The following FOCAD variants were observed in gnomAD, a reference collection of about 807,000 sequenced individuals.
The protein encoded by FOCAD is KIAA1797.
Under a neutral mutation model 225.6 loss-of-function variants are expected in FOCAD, and 198 were observed. That is an observed-to-expected ratio of 0.88 (90% CI 0.78 to 0.99). The LOEUF (loss-of-function observed/expected upper bound fraction) is 0.99. FOCAD is among the 50% of genes least tolerant of loss of function. The pLI, the probability that FOCAD is intolerant of heterozygous loss-of-function variation, is 0.00. For synonymous variants in FOCAD, 897 were observed against 755.0 expected (o/e 1.19, Z -3.08); for missense variants, 2,713 against 2,123.6 (o/e 1.28, Z -5.46).
In FOCAD at chr9:20,868,807, A is replaced by C. The variant is rs572493085; in HGVS notation, c.2190+1795A>C. On this transcript the variant is annotated intron_variant, in intron 18 of 43. Transcript: ENST00000338382. ...GATATTCTGAACTGAGGTTGAGATGAGGGGTGTAAGTGGTTTGAAAGAGTC... is the reference window on the plus strand; with the variant it reads ...GATATTCTGAACTGAGGTTGAGATGCGGGGTGTAAGTGGTTTGAAAGAGTC... 7.9e-5 allele frequency among the ~76,000 whole-genome samples: 12 copies of C among 152,192 alleles called. No homozygotes were observed. In the East Asian group the frequency reaches 9.7e-4, roughly 12 times the overall value.
At chr9:20,818,060 CTT>C (rs1823919475) in intron 11 of FOCAD, among the ~76,000 whole-genome samples, 1 of 152,092 alleles carries the variant, frequency 6.6e-6, no homozygotes, top group Non-Finnish European at 1.5e-5. Context: ...TATTGTCCAT[CTT>C]TTGATGATAG....
At chr9:20,719,286 T>C (rs1184998148) in intron 3 of FOCAD, among the ~76,000 whole-genome samples, 1 of 152,154 alleles carries the variant, frequency 6.6e-6, no homozygotes, top group Non-Finnish European at 1.5e-5. Context: ...TTTCACCATG[T>C]TGGCCAGGCT....
intron 35 of FOCAD, among the ~76,000 whole-genome samples, chr9:20,954,420 G>A (rs1837955366): frequency 6.6e-6 from 1 of 152,020 alleles, no homozygotes; most frequent in African/African-American, 2.4e-5. Flanking sequence ...AATGATGTGA[G>A]ATATTTTCAT....
chr9:20,922,545 C>G (rs1587619834), intron 24 of FOCAD, among the ~76,000 whole-genome samples: 2 of 152,196 alleles, frequency 1.3e-5, no homozygotes, highest in Admixed American at 6.5e-5. Flanking sequence ...CCCACTGACT[C>G]AAGTCTTCAA....
intron 8 of FOCAD, among the ~76,000 whole-genome samples, chr9:20,774,360 T>C (rs1055983055): frequency 6.6e-6 from 1 of 152,178 alleles, no homozygotes; most frequent in Non-Finnish European, 1.5e-5. Flanking sequence ...TTTTATGATG[T>C]TAGTAGTTGT....
At position 20,944,655 on chromosome 9, in the gene FOCAD, G is replaced by A. The variant is rs1393259548; in HGVS notation, c.3436G>A (p.Val1146Ile). Reference protein sequence around the residue: ...NTGCILGVGLVLSLMSHSSQM... With the variant: ...NTGCILGVGLILSLMSHSSQM... ...GGGCTGTATATTGGGAGTTGGACTT[G>A]TTCTGTCCCTCATGAGCCACAGCAG... The change falls in exon 29 of 44, where the codon GTT becomes ATT. Residue 1146 changes from valine to isoleucine, a missense_variant. Physicochemically the swap from Val to Ile is conservative, Grantham distance 29. Transcript: ENST00000338382. The A allele has an allele frequency of 6.2e-7, 1 of 1,613,954 alleles. No individual in the cohort carries two copies. Among genetic ancestry groups the A allele is most frequent in the Non-Finnish European group, 8.5e-7 (1 of 1,179,914 alleles).
chr9:20,664,040 C>G (rs561731852), intron 2 of FOCAD, among the ~76,000 whole-genome samples: 14 of 151,996 alleles, frequency 9.2e-5, no homozygotes, highest in African/African-American at 3.4e-4. Flanking sequence ...AAGCACTTTT[C>G]CAACAGTGAA....
chr9:20,703,710 A>G (rs1247976601), intron 1 of FOCAD, among the ~76,000 whole-genome samples: 1 of 152,124 alleles, frequency 6.6e-6, no homozygotes, highest in South Asian at 2.1e-4. Context: ...CTTAAATTCA[A>G]ATTCTTTTCC....
chr9:20,694,999 C>T (rs973453457), intron 1 of FOCAD, among the ~76,000 whole-genome samples: 9 of 152,084 alleles, frequency 5.9e-5, no homozygotes, highest in African/African-American at 1.9e-4. Flanking sequence ...CTGTACAATC[C>T]CTCCACTCCT....
At chr9:20,735,445 T>C (rs1358302653) in intron 4 of FOCAD, among the ~76,000 whole-genome samples, 1 of 152,124 alleles carries the variant, frequency 6.6e-6, no homozygotes, top group Non-Finnish European at 1.5e-5. Flanking sequence ...TCTACATGCT[T>C]TTTATTTCTT....
At chr9:20,767,889 A>C (rs1335866477) in intron 7 of FOCAD, among the ~76,000 whole-genome samples, 4 of 152,132 alleles carry the variant, frequency 2.6e-5, no homozygotes, top group South Asian at 4.2e-4. Flanking sequence ...TTTGGACATG[A>C]AGTCCTTGCC....
intron 11 of FOCAD, among the ~76,000 whole-genome samples, chr9:20,808,797 A>G (rs957208863): frequency 2.6e-5 from 4 of 151,836 alleles, no homozygotes; most frequent in Admixed American, 1.3e-4. Flanking sequence ...GCTACTTCCT[A>G]CTCTGCTACC....
intron 21 of FOCAD, among the ~76,000 whole-genome samples, chr9:20,895,719 C>G (rs928740969): frequency 7.3e-5 from 11 of 151,476 alleles, no homozygotes; most frequent in African/African-American, 2.7e-4. Flanking sequence ...TGTATTGTAA[C>G]CTTGTATCTT....
chr9:20,873,686 C>A (rs1829991329), intron 18 of FOCAD, among the ~76,000 whole-genome samples: 1 of 150,796 alleles, frequency 6.6e-6, no homozygotes, highest in Middle Eastern at 3.4e-3. Context: ...CATTATTATT[C>A]TTAAGAGAAG....
At chr9:20,798,700 T>A (rs1245928808) in intron 11 of FOCAD, among the ~76,000 whole-genome samples, 2 of 152,188 alleles carry the variant, frequency 1.3e-5, no homozygotes, top group African/African-American at 4.8e-5. Flanking sequence ...GATATCCCCT[T>A]TATCATTTTT....
intron 28 of FOCAD, among the ~76,000 whole-genome samples, chr9:20,940,707 A>C (rs1836560869): frequency 6.6e-6 from 1 of 152,168 alleles, no homozygotes; most frequent in Admixed American, 6.5e-5. Context: ...CATGATACTG[A>C]AGTAGGAATC....
intron 13 of FOCAD, 107 bp downstream of exon 13, chr9:20,820,532 G>A: frequency 1.2e-6 from 1 of 854,928 alleles, no homozygotes; most frequent in South Asian, 2.0e-5. Context: ...ATTAATGAGT[G>A]GCATCAGTGA....
chr9:20,952,219 T>C (rs1272199953), intron 34 of FOCAD, among the ~76,000 whole-genome samples: 2 of 152,204 alleles, frequency 1.3e-5, no homozygotes, highest in Non-Finnish European at 2.9e-5. Context: ...GGGTACTTGG[T>C]CTGGCCTACA....
At chr9:20,661,578 G>C (rs1641099773) in intron 2 of FOCAD, among the ~76,000 whole-genome samples, 1 of 152,198 alleles carries the variant, frequency 6.6e-6, no homozygotes. Context: ...GATATTCTCA[G>C]TGTCCTTCTT....
Sources: allele counts gnomAD v4.1 joint callset (sites outside exome capture counted in the v4.1 genomes callset), GRCh38; gene constraint gnomAD v4.1.1; transcripts MANE v1.5; gene names NCBI Gene and HGNC (gene_info 2026-07-23, HGNC 2026-07-21).